Variants in RAB38 observed in about 807,000 individuals in gnomAD.
The protein encoded by RAB38 is ras-related protein Rab-38.
Under a neutral mutation model 18.4 loss-of-function variants are expected in RAB38, and 15 were observed. That is an observed-to-expected ratio of 0.82 (90% CI 0.55 to 1.26). RAB38 has a LOEUF of 1.26. Ranked by LOEUF, RAB38 falls within the 50% of genes most tolerant of loss-of-function variation. The pLI, the probability that RAB38 is intolerant of heterozygous loss-of-function variation, is 0.00. For missense variants in RAB38, 294 were observed against 267.4 expected (o/e 1.10, Z -0.69); for synonymous variants, 101 against 104.4 (o/e 0.97, Z 0.20).
the RAB38 span, among the ~76,000 whole-genome samples, chr11:87,833,780 T>C: frequency 2.6e-5 from 4 of 152,218 alleles, no homozygotes; most frequent in African/African-American, 9.6e-5. Context: ...ACATTGCTAT[T>C]ATCTCTAATG....
the RAB38 span, among the ~76,000 whole-genome samples, chr11:87,881,904 C>G: frequency 6.6e-6 from 1 of 151,818 alleles, no homozygotes; most frequent in African/African-American, 2.4e-5. Context: ...GAGCAAAGGG[C>G]TGGTTGGTGT....
At chr11:87,966,872 T>A in the RAB38 span, among the ~76,000 whole-genome samples, 2 of 152,096 alleles carry the variant, frequency 1.3e-5, no homozygotes, top group Admixed American at 6.6e-5. Context: ...CATGTTCTGT[T>A]ACCTCTTTGG....
At chr11:87,829,641 A>C in the RAB38 span, among the ~76,000 whole-genome samples, 1 of 152,318 alleles carries the variant, frequency 6.6e-6, no homozygotes, top group East Asian at 1.9e-4. Context: ...ATTACAATTC[A>C]GTATGAGATT....
the RAB38 span, among the ~76,000 whole-genome samples, chr11:87,914,711 G>C: frequency 6.6e-6 from 1 of 152,110 alleles, no homozygotes; most frequent in Non-Finnish European, 1.5e-5. Flanking sequence ...GATTTTCCAG[G>C]CTGCCCCTCC....
the RAB38 span, among the ~76,000 whole-genome samples, chr11:87,845,443 A>T: frequency 1.3e-5 from 2 of 152,188 alleles, no homozygotes; most frequent in Admixed American, 1.3e-4. Flanking sequence ...AAAATGCAAC[A>T]TCCAAAACAA....
intron 2 of RAB38, among the ~76,000 whole-genome samples, chr11:88,135,627 G>A (rs1942826481): frequency 6.6e-6 from 1 of 152,182 alleles, no homozygotes; most frequent in Admixed American, 6.5e-5. Flanking sequence ...TTTACTGCTT[G>A]TGACTGTCCT....
chr11:87,857,744 T>A, the RAB38 span, among the ~76,000 whole-genome samples: 2 of 152,176 alleles, frequency 1.3e-5, no homozygotes, highest in African/African-American at 4.8e-5. Flanking sequence ...GTTTGAGTTC[T>A]TTGTAGATTC....
At chr11:88,162,914 C>T (rs570807126) in intron 1 of RAB38, among the ~76,000 whole-genome samples, 4 of 152,208 alleles carry the variant, frequency 2.6e-5, no homozygotes, top group South Asian at 2.1e-4. Context: ...CACTGAAAGA[C>T]GTCCTCTCCA....
Position 88,133,010 on chromosome 11 carries a change from G to A in RAB38, c.483+16665C>T, listed in dbSNP as rs75531436. Among the ~76,000 whole-genome samples, 123 of 152,202 alleles carry A rather than the reference G, an allele frequency of 8.1e-4. 1 individual carries two copies. In the East Asian group the frequency reaches 0.022, roughly 27 times the overall value. Reference sequence around the variant, plus strand: ...CAGCTGTTGAAAATAAATTAATGTAGTGAACTACTGCATACAATAGAAATA... The same window carrying A: ...CAGCTGTTGAAAATAAATTAATGTAATGAACTACTGCATACAATAGAAATA... On this transcript the variant is annotated intron_variant, in intron 2 of 2. Transcript: ENST00000243662.
the RAB38 span, among the ~76,000 whole-genome samples, chr11:87,977,694 T>C: frequency 8.8e-6 from 1 of 114,132 alleles, no homozygotes; most frequent in East Asian, 2.7e-4. Flanking sequence ...TCATATAATA[T>C]ATAGGGATAT....
At chr11:88,029,377 C>T in the RAB38 span, among the ~76,000 whole-genome samples, 2 of 150,802 alleles carry the variant, frequency 1.3e-5, no homozygotes, top group Non-Finnish European at 1.5e-5. Context: ...TCACACATAA[C>T]AATATTAACT....
At chr11:88,083,792 G>C in the RAB38 span, among the ~76,000 whole-genome samples, 5 of 151,946 alleles carry the variant, frequency 3.3e-5, no homozygotes, top group Admixed American at 2.0e-4. Flanking sequence ...GCACTATCTT[G>C]GAAGCAGAGA....
intron 2 of RAB38, 57 bp downstream of exon 2, chr11:88,149,618 T>C: frequency 6.6e-7 from 1 of 1,521,436 alleles, no homozygotes; most frequent in East Asian, 2.3e-5. Flanking sequence ...GATGATTATG[T>C]GCCATTTTCT....
chr11:88,056,743 G>T, the RAB38 span, among the ~76,000 whole-genome samples: 1 of 152,108 alleles, frequency 6.6e-6, no homozygotes, highest in African/African-American at 2.4e-5. Flanking sequence ...GGCGGAGCTT[G>T]CAGTGAGCCA....
chr11:88,057,095 G>A, the RAB38 span, among the ~76,000 whole-genome samples: 2 of 152,140 alleles, frequency 1.3e-5, no homozygotes, highest in Admixed American at 1.3e-4. Context: ...CTGTACCACT[G>A]GAGAGACACT....
chr11:87,939,017 G>A, the RAB38 span, among the ~76,000 whole-genome samples: 3 of 151,814 alleles, frequency 2.0e-5, no homozygotes, highest in Non-Finnish European at 4.4e-5. Flanking sequence ...TTTATTTTTA[G>A]TACCTGCCAG....
the RAB38 span, among the ~76,000 whole-genome samples, chr11:87,842,820 A>G: frequency 0.069 from 5,138 of 74,974 alleles, 246 homozygotes; most frequent in African/African-American, 0.24. Context: ...GCGCGCGCAC[A>G]CACACACACA....
chr11:88,112,088 A>G (rs1359613883), downstream of RAB38, among the ~76,000 whole-genome samples: 3 of 152,232 alleles, frequency 2.0e-5, no homozygotes, highest in Non-Finnish European at 4.4e-5. Flanking sequence ...TCCTCATATA[A>G]GTAGAGTATC....
At chr11:88,133,908 C>A (rs750809240) in intron 2 of RAB38, among the ~76,000 whole-genome samples, 5 of 152,064 alleles carry the variant, frequency 3.3e-5, no homozygotes, top group Non-Finnish European at 7.4e-5. Flanking sequence ...TACTACTTCC[C>A]CTCTCTGGGG....
Sources: allele counts gnomAD v4.1 joint callset (sites outside exome capture counted in the v4.1 genomes callset), GRCh38; gene constraint gnomAD v4.1.1; transcripts MANE v1.5; gene names NCBI Gene and HGNC (gene_info 2026-07-23, HGNC 2026-07-21).